KIF24: variants seen among roughly 807,000 people sequenced by gnomAD.
KIF24 encodes the protein kinesin-like protein KIF24.
KIF24 carries 81 observed loss-of-function variants against 118.9 expected under a neutral mutation model. The observed-to-expected ratio is 0.68, with a 90% confidence interval of 0.57 to 0.82. KIF24 has a LOEUF of 0.82. KIF24 is among the 40% of genes least tolerant of loss of function. The probability of loss-of-function intolerance (pLI) is 0.00; values close to 1 mark genes in which losing one functional copy is unlikely to be tolerated. For synonymous variants in KIF24, 599 were observed against 610.0 expected (o/e 0.98, Z 0.27); for missense variants, 1,560 against 1,661.6 (o/e 0.94, Z 1.06).
At chr9:34,268,392 G>C (rs922776901) in intron 8 of KIF24, among the ~76,000 whole-genome samples, 3 of 152,072 alleles carry the variant, frequency 2.0e-5, no homozygotes, top group Non-Finnish European at 4.4e-5. Flanking sequence ...TCTACCTCAA[G>C]TGATCCACCT....
At position 34,318,974 on chromosome 9, in the gene KIF24, G is replaced by A. The variant is rs1206129629; in HGVS notation, c.-25-7603C>T. 2 of 1,340,528 alleles carry A rather than the reference G, an allele frequency of 1.5e-6. No homozygotes were observed. Among genetic ancestry groups the A allele is most frequent in the African/African-American group, 2.9e-5 (2 of 69,814 alleles). The allele number at this position is 1,340,528 out of a possible 1,614,324, so 83.0% of individuals were successfully genotyped here. A position where few individuals can be genotyped will look rare whatever the true frequency, so the allele number is the denominator to read the frequency against. ...CGGCAAGCTGCCCAAGGTCACCAAG[G>A]ACATGGAGTGCATGGATGGCGCCCT... On this transcript the variant is annotated intron_variant, in intron 1 of 12. Coordinates refer to ENST00000402558, the MANE Select transcript of KIF24 (RefSeq NM_194313.4). This position sits in a 1 kb window ranked among gnomAD's most constrained non-coding sequence, Gnocchi z 4.9.
intron 4 of KIF24, among the ~76,000 whole-genome samples, chr9:34,293,507 G>A (rs1587946209): frequency 3.3e-5 from 5 of 149,410 alleles, no homozygotes; most frequent in South Asian, 2.1e-4. Flanking sequence ...GGACGCGGTG[G>A]CTCAGGCCTG....
chr9:34,295,917 T>C (rs1433846846), intron 4 of KIF24, among the ~76,000 whole-genome samples: 1 of 151,962 alleles, frequency 6.6e-6, no homozygotes, highest in East Asian at 1.9e-4. Flanking sequence ...TAAGTGTGAA[T>C]AATAACTTAA....
At chr9:34,280,935 A>G (rs1835828810) in intron 6 of KIF24, among the ~76,000 whole-genome samples, 1 of 152,216 alleles carries the variant, frequency 6.6e-6, no homozygotes, top group Non-Finnish European at 1.5e-5. Flanking sequence ...CTGTTATTTG[A>G]AGATTAAACA....
intron 1 of KIF24, among the ~76,000 whole-genome samples, chr9:34,317,032 T>C (rs936579665): frequency 3.3e-5 from 5 of 151,822 alleles, no homozygotes; most frequent in African/African-American, 2.4e-5. Flanking sequence ...CTGGCCAAAA[T>C]AGTGAAACGC....
intron 3 of KIF24, among the ~76,000 whole-genome samples, chr9:34,300,108 C>A (rs927241004): frequency 7.9e-5 from 12 of 152,054 alleles, no homozygotes; most frequent in African/African-American, 2.9e-4. Context: ...AGAATGGAAA[C>A]TTGTTAGATT....
Position 34,254,233 on chromosome 9 carries a change from C to T in KIF24, c.*147G>A. 1.2e-6 allele frequency: 1 copy of T among 831,616 alleles called. No homozygotes were observed. The allele number at this position is 831,616 out of a possible 1,614,324, so 51.5% of individuals were successfully genotyped here. A position where few individuals can be genotyped will look rare whatever the true frequency, so the allele number is the denominator to read the frequency against. Reference sequence around the variant, plus strand: ...GGAGAAGCTGGGACCTATCTGAAGCCACGTGGGGCTGGGGTGACGCTAGCA... The same window carrying T: ...GGAGAAGCTGGGACCTATCTGAAGCTACGTGGGGCTGGGGTGACGCTAGCA... On this transcript the variant is annotated 3_prime_UTR_variant, in exon 13 of 13. Coordinates refer to ENST00000402558, the MANE Select transcript of KIF24 (RefSeq NM_194313.4).
chr9:34,270,847 C>A (rs1587924819), intron 7 of KIF24, among the ~76,000 whole-genome samples: 3 of 147,864 alleles, frequency 2.0e-5, no homozygotes, highest in African/African-American at 7.5e-5. Context: ...CCAGCCTGGG[C>A]AAAACAGAGA....
rs1834779909 is a variant in KIF24, at chr9:34,255,262, C to T, written c.3873-97G>A. 11 of 758,580 alleles carry T rather than the reference C, an allele frequency of 1.5e-5. 1 individual carries two copies. Among genetic ancestry groups the T allele is most frequent in the Middle Eastern group, 2.6e-4 (1 of 3,882 alleles). The allele number at this position is 758,580 out of a possible 1,614,324, so 47.0% of individuals were successfully genotyped here. On this transcript the variant is annotated intron_variant, in intron 11 of 12. Transcript: ENST00000402558. ...ATCTCATTTGTAAGCTGAGAGCTGC[C>T]TCTGCCGAAAATGGTCAAGGTTTTC... is the stretch of plus-strand genomic sequence containing the variant.
Position 34,326,045 on chromosome 9 carries a change from G to A in KIF24, c.-26+3061C>T, listed in dbSNP as rs543909516. On this transcript the variant is annotated intron_variant, in intron 1 of 12. Transcript: ENST00000402558. The stretch of plus-strand genomic sequence containing the variant: ...GAGATAGGCCCTGTTTTATGCACCA[G>A]GAATATAAGTGAACAAAACAGACAA... Among the ~76,000 whole-genome samples the A allele has an allele frequency of 2.8e-4, 42 of 152,232 alleles. No homozygotes were observed. The South Asian group carries it at 8.5e-3, about 31-fold the overall frequency.
intron 2 of KIF24, 143 bp downstream of exon 2, chr9:34,310,581 G>T: frequency 1.8e-6 from 1 of 549,406 alleles, no homozygotes; most frequent in East Asian, 3.1e-5. Context: ...TCCTATTATT[G>T]ATGCAAATGC....
chr9:34,324,443 C>A (rs1425715123), intron 1 of KIF24, among the ~76,000 whole-genome samples: 1 of 152,168 alleles, frequency 6.6e-6, no homozygotes. Context: ...TAATCTCCCA[C>A]ATACTTGCCA....
At position 34,253,356 on chromosome 9, in the gene KIF24, T is replaced by C. The variant is rs12003090; in HGVS notation, c.*1024A>G. ...ATTGGCACCTGGAGGCTACTTTGTC[T>C]TCCCTGTCCTGAGCTGCTTCCTGCT... On this transcript the variant is annotated 3_prime_UTR_variant, in exon 13 of 13. Coordinates refer to ENST00000402558, the MANE Select transcript of KIF24 (RefSeq NM_194313.4). The C allele has an allele frequency of 2.0e-5, 3 of 152,272 alleles. No individual in the cohort carries two copies. The highest frequency in any genetic ancestry group is 7.2e-5 in the African/African-American group (3 of 41,474). The allele number at this position is 152,272 out of a possible 1,614,324, so 9.4% of individuals were successfully genotyped here. A position where few individuals can be genotyped will look rare whatever the true frequency, so the allele number is the denominator to read the frequency against.
intron 9 of KIF24, among the ~76,000 whole-genome samples, chr9:34,262,744 C>T (rs1197354912): frequency 7.9e-6 from 1 of 125,798 alleles, no homozygotes; most frequent in African/African-American, 3.2e-5. Context: ...GCCTGTAGTC[C>T]CAGCTACCTG....
intron 11 of KIF24, 50 bp downstream of exon 11, chr9:34,255,685 G>A (rs1405667588): frequency 1.4e-6 from 2 of 1,475,348 alleles, no homozygotes; most frequent in Non-Finnish European, 9.2e-7. Flanking sequence ...AGCTGGAGTG[G>A]AGGGTGGGTG....
upstream of KIF24, among the ~76,000 whole-genome samples, chr9:34,330,214 T>C (rs1490194203): frequency 6.6e-6 from 1 of 152,088 alleles, no homozygotes; most frequent in East Asian, 1.9e-4. Flanking sequence ...CCATCCTGGC[T>C]AACACGGTGA....
At chr9:34,302,054 G>C (rs1301753084) in intron 3 of KIF24, among the ~76,000 whole-genome samples, 3 of 148,494 alleles carry the variant, frequency 2.0e-5, no homozygotes, top group African/African-American at 7.4e-5. Context: ...GGGTGCAGTG[G>C]CGTGATCTCG....
chr9:34,278,125 T>C (rs1835721687), intron 6 of KIF24, among the ~76,000 whole-genome samples: 1 of 151,566 alleles, frequency 6.6e-6, no homozygotes, highest in South Asian at 2.1e-4. Context: ...AATACAAAAA[T>C]TGGCCGGGCA....
intron 3 of KIF24, among the ~76,000 whole-genome samples, chr9:34,303,541 A>C (rs1836803896): frequency 6.6e-6 from 1 of 152,126 alleles, no homozygotes; most frequent in Non-Finnish European, 1.5e-5. Flanking sequence ...AGGCTTTTGT[A>C]CTCATATTTA....
Sources: gnomAD v4.1 joint callset for allele counts (sites outside exome capture counted in the v4.1 genomes callset) on GRCh38, gnomAD v4.1.1 for gene constraint, Gnocchi (gnomAD v3.1) non-coding constraint, MANE v1.5 for transcripts, NCBI Gene and HGNC (gene_info 2026-07-23, HGNC 2026-07-21) for gene names.